The following SLC22A3 variants were observed in gnomAD, a reference collection of about 807,000 sequenced individuals.
The protein encoded by SLC22A3 is EMT organic cation transporter 3.
In SLC22A3, 51 loss-of-function variants were observed where a neutral mutation model predicts 59.1. That is an observed-to-expected ratio of 0.86 (90% CI 0.69 to 1.09). The LOEUF is 1.09. Ranked by LOEUF, SLC22A3 falls within the 50% of genes least tolerant of loss-of-function variation. SLC22A3 has a pLI of 0.00. For missense variants in SLC22A3, 711 were observed against 726.3 expected, an observed-to-expected ratio of 0.98 and a Z score of 0.24; for synonymous variants, 325 against 292.0, an observed-to-expected ratio of 1.11 and a Z score of -1.15.
chr6:160,351,120 G>A (rs1241951305), intron 1 of SLC22A3, among the ~76,000 whole-genome samples: 1 of 152,164 alleles, frequency 6.6e-6, no homozygotes, highest in Non-Finnish European at 1.5e-5. Flanking sequence ...GTTTTGTTTT[G>A]TTTTGTTTTC....
chr6:160,393,205 G>T (rs73590803), intron 1 of SLC22A3, among the ~76,000 whole-genome samples: 4,091 of 151,942 alleles, frequency 0.027, 171 homozygotes, highest in African/African-American at 0.094. Context: ...CCAGCTGATG[G>T]TCACCTGGGT....
chr6:160,425,906 C>T (rs1446264408), intron 5 of SLC22A3: 1 of 985,312 alleles, frequency 1.0e-6, no homozygotes, highest in Non-Finnish European at 1.2e-6. Context: ...TCGCTGTCAA[C>T]AACATTCAGG....
At chr6:160,438,278 G>A (rs955953637) in intron 7 of SLC22A3, among the ~76,000 whole-genome samples, 1 of 152,126 alleles carries the variant, frequency 6.6e-6, no homozygotes, top group Admixed American at 6.5e-5. Flanking sequence ...CTGGGAGGAG[G>A]AGGGCTTCAC....
chr6:160,399,261 C>T (rs1367323665), intron 2 of SLC22A3, among the ~76,000 whole-genome samples: 1 of 152,130 alleles, frequency 6.6e-6, no homozygotes, highest in Non-Finnish European at 1.5e-5. Context: ...TACTTCTAGC[C>T]CTTTCAAGCT....
chr6:160,359,355 A>G (rs1784943252), intron 1 of SLC22A3, among the ~76,000 whole-genome samples: 1 of 152,224 alleles, frequency 6.6e-6, no homozygotes, highest in Non-Finnish European at 1.5e-5. Context: ...TTGAATAGAC[A>G]CTAAAACTTA....
At chr6:160,449,264 G>A (rs931983326) in intron 10 of SLC22A3, among the ~76,000 whole-genome samples, 1 of 152,056 alleles carries the variant, frequency 6.6e-6, no homozygotes, top group Non-Finnish European at 1.5e-5. Context: ...GTGGAAGGGG[G>A]TTGTCTAAAT....
intron 5 of SLC22A3, among the ~76,000 whole-genome samples, chr6:160,420,650 G>A (rs1787691248): frequency 6.6e-6 from 1 of 152,204 alleles, no homozygotes. Flanking sequence ...CAGGGCCGGG[G>A]AGTTGGGAGT....
intron 1 of SLC22A3, among the ~76,000 whole-genome samples, chr6:160,387,455 C>T (rs1464590683): frequency 6.6e-6 from 1 of 152,124 alleles, no homozygotes; most frequent in Non-Finnish European, 1.5e-5. Context: ...AGAGGGGCTC[C>T]CAAGGAAATA....
At chr6:160,358,584 T>G (rs1198258887) in intron 1 of SLC22A3, among the ~76,000 whole-genome samples, 1 of 152,188 alleles carries the variant, frequency 6.6e-6, no homozygotes, top group African/African-American at 2.4e-5. Flanking sequence ...GCTACCAGAT[T>G]TGGCAAGATT....
At chr6:160,398,277 C>G (rs955274150) in intron 2 of SLC22A3, among the ~76,000 whole-genome samples, 195 bp downstream of exon 2, 2 of 152,148 alleles carry the variant, frequency 1.3e-5, no homozygotes, top group Non-Finnish European at 2.9e-5. Context: ...CTCCTTATTC[C>G]TTGAACTTCA....
Position 160,386,696 on chromosome 6 carries a change from T to A in SLC22A3, c.430-11283T>A, listed in dbSNP as rs140251201. 3.1e-3 allele frequency among the ~76,000 whole-genome samples: 472 copies of A among 152,266 alleles called. 1 individual carries two copies. The highest frequency in any genetic ancestry group is 0.017 in the South Asian group (80 of 4,820). ...TGCTGCCACCAGCAGCACAGACATC[T>A]TCCAAGGGCTGGCAGAGCCAGGGCA... On this transcript the variant is annotated intron_variant, in intron 1 of 10. Transcript: ENST00000275300.
At chr6:160,440,120 T>G (rs150312161) in intron 7 of SLC22A3, among the ~76,000 whole-genome samples, 1 of 152,252 alleles carries the variant, frequency 6.6e-6, no homozygotes, top group Non-Finnish European at 1.5e-5. Flanking sequence ...GGTTGTATTC[T>G]CATCTCAGAC....
intron 5 of SLC22A3, among the ~76,000 whole-genome samples, chr6:160,413,229 C>T (rs1787329069): frequency 6.6e-6 from 1 of 152,168 alleles, no homozygotes; most frequent in Non-Finnish European, 1.5e-5. Context: ...CAGTTTAGCA[C>T]TGCTCCCACA....
chr6:160,410,842 C>CA lies in SLC22A3; in HGVS notation c.972dup (p.Glu325ArgfsTer7). 1 of 1,570,424 alleles carries CA rather than the reference C, an allele frequency of 6.4e-7. No homozygotes were observed. The highest frequency in any genetic ancestry group is 8.8e-7 in the Non-Finnish European group (1 of 1,140,998). ...GGGAAATACCTCTCATCAAATTACT[C>CA]AGAGGTAATTTCTTTCAGTATGAGT... On this transcript the variant is annotated frameshift_variant, in exon 5 of 11. Coordinates refer to ENST00000275300, the MANE Select transcript of SLC22A3 (RefSeq NM_021977.4). LOFTEE classifies it high-confidence loss of function.
At chr6:160,443,894 CTTA>C (rs1281948119) in intron 9 of SLC22A3, 152 bp downstream of exon 9, 3 of 444,568 alleles carry the variant, frequency 6.7e-6, no homozygotes, top group Admixed American at 3.9e-5. Context: ...TTAATTTCAT[CTTA>C]TTATAATAAC....
rs760972132 is a variant in SLC22A3 at position 160,436,742 on chromosome 6, T to C, written c.976-38T>C. ...CTATACTATGCAGGTTTTTTTTTTT[T>C]CTGTCTATTGCTACTGAAATCTGCT... On this transcript the variant is annotated intron_variant, in intron 5 of 10. Transcript: ENST00000275300. The C allele has an allele frequency of 1.7e-5, 24 of 1,377,906 alleles. No individual in the cohort carries two copies. In the South Asian group the frequency reaches 2.0e-4, roughly 12 times the overall value. The allele number at this position is 1,377,906 out of a possible 1,614,324, so 85.4% of individuals were successfully genotyped here. A position where few individuals can be genotyped will look rare whatever the true frequency, so the allele number is the denominator to read the frequency against.
chr6:160,351,079 T>G (rs531638617), intron 1 of SLC22A3, among the ~76,000 whole-genome samples: 1 of 152,248 alleles, frequency 6.6e-6, no homozygotes, highest in Non-Finnish European at 1.5e-5. Context: ...CCCAAAAAAG[T>G]TTTTGAAATA....
intron 7 of SLC22A3, among the ~76,000 whole-genome samples, chr6:160,440,549 T>A (rs1245951058): frequency 6.6e-6 from 1 of 152,188 alleles, no homozygotes; most frequent in Non-Finnish European, 1.5e-5. Context: ...TGGAAGACAA[T>A]TTTAGTTTCA....
At chr6:160,351,022 A>G (rs771542587) in intron 1 of SLC22A3, among the ~76,000 whole-genome samples, 2 of 152,236 alleles carry the variant, frequency 1.3e-5, no homozygotes, top group Admixed American at 6.5e-5. Context: ...AATGATTAAA[A>G]AGTCTTTAAG....
Sources: allele counts gnomAD v4.1 joint callset (sites outside exome capture counted in the v4.1 genomes callset), GRCh38; gene constraint gnomAD v4.1.1; transcripts MANE v1.5; gene names NCBI Gene and HGNC (gene_info 2026-07-23, HGNC 2026-07-21).